The following NEK10 variants were observed in gnomAD, a reference collection of about 807,000 sequenced individuals.
NEK10 encodes serine/threonine-protein kinase Nek10.
NEK10 carries 122 observed loss-of-function variants against 159.8 expected under a neutral mutation model. The ratio of observed to expected loss-of-function variants is 0.76; its 90% CI spans 0.66 to 0.89. NEK10 has a LOEUF of 0.89. Among genes scored for constraint, NEK10 ranks in the 40% least tolerant of loss-of-function variants. The pLI, the probability that NEK10 is intolerant of heterozygous loss-of-function variation, is 0.00. For missense variants in NEK10, 1,342 were observed against 1,323.1 expected (o/e 1.01, Z -0.22); for synonymous variants, 466 against 457.1 (o/e 1.02, Z -0.25).
intron 23 of NEK10, among the ~76,000 whole-genome samples, chr3:27,205,942 T>G (rs1465088321): frequency 6.8e-6 from 1 of 147,562 alleles, no homozygotes; most frequent in African/African-American, 2.5e-5. Context: ...TGGGAGAAAA[T>G]TTTCGCAACC....
chr3:27,294,933 C>A (rs1350591465), intron 15 of NEK10, among the ~76,000 whole-genome samples: 2 of 152,126 alleles, frequency 1.3e-5, no homozygotes, highest in East Asian at 1.9e-4. Context: ...GAGCCCTCAA[C>A]TCCTGGAGCA....
At position 27,107,760 on chromosome 3, in the gene NEK10, A is replaced by C. The variant is rs745480381; in HGVS notation, c.*3512T>G. Among the ~76,000 whole-genome samples, 33 of 152,176 alleles carry C rather than the reference A, an allele frequency of 2.2e-4. No individual in the cohort carries two copies. Among genetic ancestry groups the C allele is most frequent in the Admixed American group, 5.2e-4 (8 of 15,272 alleles). ...GCCTCTCCAAGTGATTTCAGTGCTC[A>C]TGAAAACCATCATAGAAAAAGTAAA... On this transcript the variant is annotated 3_prime_UTR_variant, in exon 36 of 36. Transcript: ENST00000691995.
intron 32 of NEK10, among the ~76,000 whole-genome samples, chr3:27,127,005 AAAAC>A (rs199595793): frequency 0.073 from 11,109 of 151,914 alleles, 1,308 homozygotes; most frequent in African/African-American, 0.25. Flanking sequence ...GGAATACACT[AAAAC>A]AAACAAACAA....
intron 22 of NEK10, among the ~76,000 whole-genome samples, chr3:27,257,788 CTTT>C (rs79727702): frequency 3.8e-5 from 5 of 130,512 alleles, no homozygotes; most frequent in Admixed American, 8.0e-5. Flanking sequence ...TTTCTTTTTT[CTTT>C]TTTTTTTTTT....
intron 23 of NEK10, among the ~76,000 whole-genome samples, chr3:27,243,730 G>T (rs1487896172): frequency 6.6e-6 from 1 of 152,008 alleles, no homozygotes; most frequent in Admixed American, 6.6e-5. Context: ...GTGCTGGGAG[G>T]TCCCTGTTCT....
chr3:27,300,563 T>C (rs1195091366), intron 13 of NEK10, among the ~76,000 whole-genome samples: 1 of 152,230 alleles, frequency 6.6e-6, no homozygotes, highest in African/African-American at 2.4e-5. Flanking sequence ...CATATCTATG[T>C]GCCCTGTAAC....
Position 27,116,006 on chromosome 3 carries a change from A to C in NEK10, c.3244-11T>G. ...TTCTTCAATCACAGTCTAAAATTTT[A>C]AAAATCAGGTTAGTATTGAATTAGA... On this transcript the variant is annotated splice_polypyrimidine_tract_variant and intron_variant, in intron 34 of 35. Transcript: ENST00000691995. 1.2e-6 allele frequency: 2 copies of C among 1,612,972 alleles called. No individual in the cohort carries two copies. The highest frequency in any genetic ancestry group is 1.7e-6 in the Non-Finnish European group (2 of 1,179,212).
At chr3:27,130,321 C>T (rs1575428144) in intron 32 of NEK10, among the ~76,000 whole-genome samples, 2 of 152,174 alleles carry the variant, frequency 1.3e-5, no homozygotes, top group African/African-American at 2.4e-5. Flanking sequence ...CCTACCAATT[C>T]CTGTTTTTAT....
intron 25 of NEK10, among the ~76,000 whole-genome samples, chr3:27,201,145 T>A (rs1273983276): frequency 6.6e-6 from 1 of 152,214 alleles, no homozygotes. Context: ...GCTTTTTGTT[T>A]CATGTGTTCT....
intron 20 of NEK10, among the ~76,000 whole-genome samples, chr3:27,285,337 G>A (rs892301849): frequency 6.6e-6 from 1 of 152,144 alleles, no homozygotes; most frequent in African/African-American, 2.4e-5. Context: ...CTTCCTCCCA[G>A]TAGTCTAAAA....
chr3:27,203,584 A>G (rs997809474), intron 23 of NEK10, among the ~76,000 whole-genome samples: 1 of 152,174 alleles, frequency 6.6e-6, no homozygotes, highest in Non-Finnish European at 1.5e-5. Context: ...CAACACACAC[A>G]CACCCTAAAT....
chr3:27,332,757 T>A (rs1393447874), intron 5 of NEK10, among the ~76,000 whole-genome samples: 1 of 152,180 alleles, frequency 6.6e-6, no homozygotes, highest in African/African-American at 2.4e-5. Flanking sequence ...TATGATAATG[T>A]TTTGACAACT....
intron 23 of NEK10, among the ~76,000 whole-genome samples, chr3:27,220,043 G>A (rs958019754): frequency 3.3e-5 from 5 of 152,088 alleles, no homozygotes; most frequent in African/African-American, 9.7e-5. Context: ...ACTAAAAAGA[G>A]CATAACATCA....
intron 11 of NEK10, 143 bp downstream of exon 11, chr3:27,307,716 A>G (rs886907368): frequency 8.0e-6 from 5 of 624,324 alleles, no homozygotes; most frequent in Non-Finnish European, 1.4e-5. Flanking sequence ...TTTTCTTTAT[A>G]TAAACTTAAA....
At chr3:27,353,476 G>A (rs984680454) in intron 1 of NEK10, among the ~76,000 whole-genome samples, 24 of 152,132 alleles carry the variant, frequency 1.6e-4, no homozygotes, top group African/African-American at 5.8e-4. Flanking sequence ...GAGGCAAAAG[G>A]AATGTACCAA....
intron 29 of NEK10, 104 bp from the exon 30 acceptor site, chr3:27,162,842 AT>A: frequency 6.8e-7 from 1 of 1,481,246 alleles, no homozygotes; most frequent in Non-Finnish European, 9.2e-7. Flanking sequence ...ATTAATAGAG[AT>A]TATTTTCCCT....
chr3:27,316,078 G>A (rs888471286), intron 6 of NEK10, among the ~76,000 whole-genome samples: 1 of 152,206 alleles, frequency 6.6e-6, no homozygotes, highest in Non-Finnish European at 1.5e-5. Flanking sequence ...TAGAAAATTA[G>A]GGTGGATTCA....
At chr3:27,276,062 T>G (rs1179339195) in intron 22 of NEK10, among the ~76,000 whole-genome samples, 1 of 152,164 alleles carries the variant, frequency 6.6e-6, no homozygotes, top group Non-Finnish European at 1.5e-5. Flanking sequence ...AACCCAGGTA[T>G]CACCTCAATC....
chr3:27,112,272 T>C (rs1939679312), intron 35 of NEK10, among the ~76,000 whole-genome samples: 1 of 152,108 alleles, frequency 6.6e-6, no homozygotes, highest in South Asian at 2.1e-4. Flanking sequence ...ACCTCTCTAT[T>C]CTCTTCCTTA....
Sources: gnomAD v4.1 joint callset for allele counts (sites outside exome capture counted in the v4.1 genomes callset) on GRCh38, gnomAD v4.1.1 for gene constraint, MANE v1.5 for transcripts, NCBI Gene and HGNC (gene_info 2026-07-23, HGNC 2026-07-21) for gene names.